Variants in DRC11 observed in about 807,000 individuals in gnomAD.
DRC11 encodes IQ and AAA domain-containing protein 1.
chr2:236,462,586 G>A, the DRC11 span, among the ~76,000 whole-genome samples: 2 of 152,064 alleles, frequency 1.3e-5, no homozygotes, highest in South Asian at 2.1e-4. This position sits in a 1 kb window ranked among gnomAD's most constrained non-coding sequence, Gnocchi z 6.4. Context: ...CAGAAGAATC[G>A]CTTAAACTTG....
chr2:236,356,927 T>TATC, the DRC11 span, among the ~76,000 whole-genome samples: 1 of 144,010 alleles, frequency 6.9e-6, no homozygotes, highest in Admixed American at 7.1e-5. Flanking sequence ...TATATTCATA[T>TATC]ATATTTATAT....
chr2:236,499,760 T>C, the DRC11 span, among the ~76,000 whole-genome samples: 3 of 152,212 alleles, frequency 2.0e-5, no homozygotes, highest in Non-Finnish European at 4.4e-5. The surrounding 1 kb of genome is among the most constrained non-coding windows in gnomAD (Gnocchi z 4.7). Context: ...TCTTGTCAAA[T>C]GTTTTCTTTG....
At chr2:236,481,827 A>T in the DRC11 span, among the ~76,000 whole-genome samples, 1 of 150,912 alleles carries the variant, frequency 6.6e-6, no homozygotes, top group African/African-American at 2.4e-5. Flanking sequence ...AAATCTATAT[A>T]CTTTAGAATT....
At chr2:236,500,733 G>A in the DRC11 span, among the ~76,000 whole-genome samples, 4 of 152,112 alleles carry the variant, frequency 2.6e-5, no homozygotes, top group Non-Finnish European at 5.9e-5. This position sits in a 1 kb window ranked among gnomAD's most constrained non-coding sequence, Gnocchi z 6.3. Flanking sequence ...ATGCAGTTTC[G>A]TTCTCGTTGC....
the DRC11 span, among the ~76,000 whole-genome samples, chr2:236,335,851 C>T: frequency 6.6e-6 from 1 of 152,150 alleles, no homozygotes; most frequent in Non-Finnish European, 1.5e-5. The surrounding 1 kb of genome is among the most constrained non-coding windows in gnomAD (Gnocchi z 5.6). Context: ...GCTGTGTGGG[C>T]TGCGGCGAGA....
the DRC11 span, among the ~76,000 whole-genome samples, chr2:236,504,420 G>A: frequency 2.0e-5 from 3 of 152,284 alleles, no homozygotes; most frequent in South Asian, 2.1e-4. The surrounding 1 kb of genome is among the most constrained non-coding windows in gnomAD (Gnocchi z 5.0). Flanking sequence ...TCCTGTGCGA[G>A]TTTCTGCGTG....
At chr2:236,350,067 TTC>T in the DRC11 span, among the ~76,000 whole-genome samples, 1 of 152,198 alleles carries the variant, frequency 6.6e-6, no homozygotes, top group African/African-American at 2.4e-5. The surrounding 1 kb of genome is among the most constrained non-coding windows in gnomAD (Gnocchi z 5.2). Flanking sequence ...GCGTTAACTT[TTC>T]TCTTTTTGCT....
chr2:236,444,630 G>A, the DRC11 span, among the ~76,000 whole-genome samples: 10 of 152,122 alleles, frequency 6.6e-5, no homozygotes, highest in South Asian at 4.1e-4. Context: ...ATCCACTTCC[G>A]GATACTTTCT....
the DRC11 span, among the ~76,000 whole-genome samples, chr2:236,380,797 C>A: frequency 6.6e-6 from 1 of 152,182 alleles, no homozygotes; most frequent in Non-Finnish European, 1.5e-5. The surrounding 1 kb of genome is among the most constrained non-coding windows in gnomAD (Gnocchi z 4.9). Context: ...AACGTAGGGA[C>A]TGGCCTGGAA....
chr2:236,347,782 A>G, the DRC11 span, among the ~76,000 whole-genome samples: 3 of 152,054 alleles, frequency 2.0e-5, no homozygotes, highest in African/African-American at 7.2e-5. Context: ...TGGATGCACC[A>G]AAATCTCACA....
At chr2:236,371,809 C>A in the DRC11 span, among the ~76,000 whole-genome samples, 1 of 152,174 alleles carries the variant, frequency 6.6e-6, no homozygotes, top group Non-Finnish European at 1.5e-5. The surrounding 1 kb of genome is among the most constrained non-coding windows in gnomAD (Gnocchi z 5.1). Context: ...GGTACAAAAT[C>A]CTAGGATCCT....
the DRC11 span, among the ~76,000 whole-genome samples, chr2:236,468,368 A>G: frequency 3.3e-5 from 5 of 152,358 alleles, no homozygotes; most frequent in East Asian, 9.6e-4. Context: ...ATGGGATCAC[A>G]GGGGTGAACG....
chr2:236,317,915 A>C, the DRC11 span, among the ~76,000 whole-genome samples: 1 of 152,210 alleles, frequency 6.6e-6, no homozygotes, highest in Non-Finnish European at 1.5e-5. The surrounding 1 kb of genome is among the most constrained non-coding windows in gnomAD (Gnocchi z 5.4). Flanking sequence ...GAAGAAATAA[A>C]TATGGCTTCC....
chr2:236,335,319 T>G, the DRC11 span, among the ~76,000 whole-genome samples: 13 of 152,200 alleles, frequency 8.5e-5, no homozygotes, highest in Non-Finnish European at 1.9e-4. The surrounding 1 kb of genome is among the most constrained non-coding windows in gnomAD (Gnocchi z 5.6). Context: ...AACTTCAAGG[T>G]CACTGGAGGA....
At chr2:236,430,550 A>G in the DRC11 span, among the ~76,000 whole-genome samples, 6 of 152,206 alleles carry the variant, frequency 3.9e-5, no homozygotes, top group Non-Finnish European at 8.8e-5. The surrounding 1 kb of genome is among the most constrained non-coding windows in gnomAD (Gnocchi z 6.0). Context: ...GGTGTATTGT[A>G]ACAATTTATT....
At chr2:236,459,560 C>CAT in the DRC11 span, among the ~76,000 whole-genome samples, 1 of 132,584 alleles carries the variant, frequency 7.5e-6, no homozygotes, top group African/African-American at 2.9e-5. Context: ...TACATGTATA[C>CAT]GTATATATGT....
At chr2:236,448,439 G>A in the DRC11 span, among the ~76,000 whole-genome samples, 2 of 152,124 alleles carry the variant, frequency 1.3e-5, no homozygotes, top group African/African-American at 4.8e-5. The surrounding 1 kb of genome is among the most constrained non-coding windows in gnomAD (Gnocchi z 5.3). Context: ...GTGCAGAGGC[G>A]ATTCTCCTGC....
the DRC11 span, among the ~76,000 whole-genome samples, chr2:236,481,747 TTTTC>T: frequency 6.6e-6 from 1 of 152,012 alleles, no homozygotes; most frequent in Non-Finnish European, 1.5e-5. Context: ...ACTTTGTGTA[TTTTC>T]TTTCTTTCTT....
the DRC11 span, among the ~76,000 whole-genome samples, chr2:236,426,061 A>G: frequency 6.6e-6 from 1 of 151,956 alleles, no homozygotes; most frequent in Admixed American, 6.5e-5. This position sits in a 1 kb window ranked among gnomAD's most constrained non-coding sequence, Gnocchi z 4.1. Context: ...GGAAATCAGG[A>G]AGTGTGATGT....
Sources: allele counts gnomAD v4.1 joint callset (sites outside exome capture counted in the v4.1 genomes callset), GRCh38; gene constraint gnomAD v4.1.1; non-coding constraint Gnocchi (gnomAD v3.1); transcripts MANE v1.5; gene names NCBI Gene and HGNC (gene_info 2026-07-23, HGNC 2026-07-21).